THSD4: variants seen among roughly 807,000 people sequenced by gnomAD.
THSD4 encodes thrombospondin type 1 domain containing 4.
In THSD4, 69 loss-of-function variants were observed where a neutral mutation model predicts 119.0. That is an observed-to-expected ratio of 0.58 (90% CI 0.48 to 0.71). The LOEUF is 0.71. THSD4 is among the 30% of genes least tolerant of loss of function. The pLI is 0.00. For synonymous variants in THSD4, 524 were observed against 540.4 expected (o/e 0.97, Z 0.42); for missense variants, 1,393 against 1,391.1 (o/e 1.00, Z -0.02).
intron 7 of THSD4, among the ~76,000 whole-genome samples, chr15:71,562,615 G>C (rs2049144283): frequency 6.6e-6 from 1 of 151,126 alleles, no homozygotes; most frequent in African/African-American, 2.4e-5. Context: ...TAAATGTAAT[G>C]TTATATCCGT....
intron 7 of THSD4, among the ~76,000 whole-genome samples, chr15:71,506,462 A>T (rs1028652078): frequency 4.6e-5 from 7 of 152,174 alleles, no homozygotes; most frequent in African/African-American, 1.4e-4. Context: ...GTCTCCAGAG[A>T]CTGACTCTAC....
intron 2 of THSD4, among the ~76,000 whole-genome samples, chr15:71,152,906 G>C (rs900699175): frequency 6.6e-6 from 1 of 152,106 alleles, no homozygotes; most frequent in Non-Finnish European, 1.5e-5. Context: ...TTTCTAGGAG[G>C]GGGGTCACCT....
At chr15:71,450,772 G>A (rs1248091923) in intron 7 of THSD4, among the ~76,000 whole-genome samples, 1 of 152,152 alleles carries the variant, frequency 6.6e-6, no homozygotes, top group Admixed American at 6.5e-5. Flanking sequence ...ATTAACAGGA[G>A]GAAAGCCACA....
At chr15:71,731,875 C>T (rs1434409489) in intron 10 of THSD4, 1 of 152,418 alleles carries the variant, frequency 6.6e-6, no homozygotes, top group Non-Finnish European at 1.5e-5. Context: ...ATGAAGGTGT[C>T]ATCAGGGCCC....
intron 6 of THSD4, among the ~76,000 whole-genome samples, chr15:71,369,464 C>T (rs538719337): frequency 7.0e-4 from 106 of 152,158 alleles, no homozygotes; most frequent in South Asian, 1.2e-3. Flanking sequence ...CCATCAATAC[C>T]GAATTTATTG....
chr15:71,130,956 G>A (rs2040498469), intron 1 of THSD4, among the ~76,000 whole-genome samples: 1 of 151,952 alleles, frequency 6.6e-6, no homozygotes, highest in Non-Finnish European at 1.5e-5. Flanking sequence ...GTGTTAGCCA[G>A]GATGGTCTCA....
chr15:71,378,247 A>T (rs16955513), intron 6 of THSD4, among the ~76,000 whole-genome samples: 1 of 152,292 alleles, frequency 6.6e-6, no homozygotes, highest in African/African-American at 2.4e-5. Flanking sequence ...TCAATACATC[A>T]TACAGTTTTC....
chr15:71,270,831 C>CT (rs770020310), intron 6 of THSD4, among the ~76,000 whole-genome samples: 177 of 34,696 alleles, frequency 5.1e-3, no homozygotes, highest in East Asian at 0.017. Flanking sequence ...AGCCATCTCT[C>CT]TTTTTTTTTT....
chr15:71,371,415 G>A (rs558789845), intron 6 of THSD4, among the ~76,000 whole-genome samples: 2,963 of 152,202 alleles, frequency 0.019, 34 homozygotes, highest in South Asian at 0.036. Context: ...AGTGGCTGGT[G>A]CTGGTTGTTC....
At position 71,779,792 on chromosome 15, in the gene THSD4, C is replaced by G. The variant is rs936329175; in HGVS notation, c.*2418C>G. ...GCCAACTGTGCAATTGAAGAAGACC[C>G]GATGGATCAACCCCATGTCTCCCTT... is the stretch of plus-strand genomic sequence containing the variant. On this transcript the variant is annotated 3_prime_UTR_variant, in exon 18 of 18. Coordinates refer to ENST00000261862, the MANE Select transcript of THSD4 (RefSeq NM_024817.3). 6.6e-6 allele frequency: 1 copy of G among 151,466 alleles called. No individual in the cohort carries two copies. Among genetic ancestry groups the G allele is most frequent in the East Asian group, 1.9e-4 (1 of 5,170 alleles). 9.4% of individuals were successfully genotyped at this position (151,466 alleles called of 1,614,324 possible). A position where few individuals can be genotyped will look rare whatever the true frequency, so the allele number is the denominator to read the frequency against.
intron 8 of THSD4, among the ~76,000 whole-genome samples, chr15:71,670,971 G>T (rs2051515308): frequency 6.6e-6 from 1 of 152,158 alleles, no homozygotes; most frequent in Admixed American, 6.5e-5. Flanking sequence ...ACGTGTGCAT[G>T]TGTCTTTATA....
intron 6 of THSD4, among the ~76,000 whole-genome samples, chr15:71,376,022 G>A (rs1317251584): frequency 1.3e-5 from 2 of 152,194 alleles, no homozygotes; most frequent in Non-Finnish European, 2.9e-5. Flanking sequence ...TTGTGATTAT[G>A]CATAACAAAT....
At chr15:71,444,213 G>A (rs2047149251) in intron 7 of THSD4, among the ~76,000 whole-genome samples, 2 of 152,184 alleles carry the variant, frequency 1.3e-5, no homozygotes, top group South Asian at 2.1e-4. Flanking sequence ...GGACAAACTG[G>A]TAAGCTGGAG....
intron 6 of THSD4, among the ~76,000 whole-genome samples, chr15:71,387,063 C>CT (rs1264991169): frequency 1.3e-5 from 2 of 152,060 alleles, no homozygotes; most frequent in African/African-American, 4.8e-5. Flanking sequence ...CCTTTGCAGC[C>CT]TATGGGCATA....
intron 11 of THSD4, among the ~76,000 whole-genome samples, chr15:71,743,031 G>T (rs2053265674): frequency 6.6e-6 from 1 of 150,600 alleles, no homozygotes; most frequent in African/African-American, 2.4e-5. Context: ...CTCCAGCCTG[G>T]GTGACAGAGC....
chr15:71,765,939 C>A (rs892692856), intron 16 of THSD4, among the ~76,000 whole-genome samples: 2 of 152,064 alleles, frequency 1.3e-5, no homozygotes, highest in African/African-American at 4.8e-5. Flanking sequence ...CCTAGTATAC[C>A]AGATCCTGCA....
chr15:71,567,547 G>A (rs1294944442), intron 7 of THSD4, among the ~76,000 whole-genome samples: 1 of 151,578 alleles, frequency 6.6e-6, no homozygotes, highest in Non-Finnish European at 1.5e-5. Context: ...CGCTATAGGA[G>A]CATTACCTCT....
chr15:71,344,863 T>G (rs1375317526), intron 6 of THSD4, among the ~76,000 whole-genome samples: 2 of 152,020 alleles, frequency 1.3e-5, no homozygotes, highest in Non-Finnish European at 2.9e-5. Context: ...AATGGTGTAC[T>G]CTCCATGTCT....
intron 6 of THSD4, among the ~76,000 whole-genome samples, chr15:71,287,232 G>T (rs2044729667): frequency 6.6e-6 from 1 of 152,186 alleles, no homozygotes; most frequent in Non-Finnish European, 1.5e-5. Flanking sequence ...GCTTAGTATG[G>T]CAGTGTTAGA....
Sources: allele counts gnomAD v4.1 joint callset (sites outside exome capture counted in the v4.1 genomes callset), GRCh38; gene constraint gnomAD v4.1.1; transcripts MANE v1.5; gene names NCBI Gene and HGNC (gene_info 2026-07-23, HGNC 2026-07-21).